Variants in SNX30 observed in about 807,000 individuals in gnomAD.
SNX30 encodes the protein sorting nexin-30.
A neutral mutation model predicts 46.4 loss-of-function variants in SNX30; 24 were observed. That is an observed-to-expected ratio of 0.52 (90% CI 0.37 to 0.73). The LOEUF is 0.73. SNX30 is among the 30% of genes least tolerant of loss of function. The pLI is 0.00. For missense variants in SNX30, 533 were observed against 555.7 expected (o/e 0.96, Z 0.41); for synonymous variants, 189 against 211.5 (o/e 0.89, Z 0.92).
chr9:112,761,082 A>G (rs1839426900), intron 1 of SNX30, among the ~76,000 whole-genome samples: 2 of 152,094 alleles, frequency 1.3e-5, no homozygotes, highest in African/African-American at 4.8e-5. Context: ...GAGGTTAATG[A>G]GACTGTTTTG....
At chr9:112,793,382 C>CG (rs1206003550) in intron 1 of SNX30, among the ~76,000 whole-genome samples, 4 of 152,198 alleles carry the variant, frequency 2.6e-5, no homozygotes, top group East Asian at 1.9e-4. Flanking sequence ...ACCCATCATG[C>CG]GGGGGGAGAA....
In SNX30 at chr9:112,872,049, A is replaced by G. The variant is rs1011162447; in HGVS notation, c.*3206A>G. 2.6e-5 allele frequency: 4 copies of G among 152,206 alleles called. No individual in the cohort carries two copies. Among genetic ancestry groups the G allele is most frequent in the African/African-American group, 9.6e-5 (4 of 41,462 alleles). 9.4% of individuals were successfully genotyped at this position (152,206 alleles called of 1,614,324 possible). ...CACCAGACACCTTTCTTTAGTTGAA[A>G]TAAACCAGCATGACCTGGAGATCAT... On this transcript the variant is annotated 3_prime_UTR_variant, in exon 9 of 9. Transcript: ENST00000374232.
Position 112,868,658 on chromosome 9 carries a change from G to A in SNX30, c.1255-126G>A, listed in dbSNP as rs1471722415. ...TTTGTAATAGTTATGGATGACACATGCAGGCATCATTAGACAAAGGTAACC... is the reference window on the plus strand; with the variant it reads ...TTTGTAATAGTTATGGATGACACATACAGGCATCATTAGACAAAGGTAACC... On this transcript the variant is annotated intron_variant, in intron 8 of 8. Transcript: ENST00000374232. 4 of 903,674 alleles carry A rather than the reference G, an allele frequency of 4.4e-6. No individual in the cohort carries two copies. In the Admixed American group the frequency reaches 5.5e-5, roughly 12 times the overall value. 56.0% of individuals were successfully genotyped at this position (903,674 alleles called of 1,614,324 possible). A position where few individuals can be genotyped will look rare whatever the true frequency, so the allele number is the denominator to read the frequency against.
At chr9:112,811,079 G>A (rs922646875) in intron 2 of SNX30, among the ~76,000 whole-genome samples, 4 of 152,226 alleles carry the variant, frequency 2.6e-5, no homozygotes, top group African/African-American at 9.7e-5. Flanking sequence ...TATGGCGTGG[G>A]TCTTCCAGAG....
At chr9:112,776,531 A>G (rs1375980050) in intron 1 of SNX30, among the ~76,000 whole-genome samples, 29 of 151,800 alleles carry the variant, frequency 1.9e-4, no homozygotes, top group Admixed American at 1.9e-3. Context: ...TTCTGCTTCT[A>G]CCTTCTTGGT....
intron 1 of SNX30, among the ~76,000 whole-genome samples, chr9:112,793,034 G>A (rs1349985561): frequency 6.6e-6 from 1 of 152,092 alleles, no homozygotes; most frequent in Non-Finnish European, 1.5e-5. Context: ...TCTGAGTGAT[G>A]AGCTAATGCC....
At chr9:112,769,619 C>T (rs889839516) in intron 1 of SNX30, among the ~76,000 whole-genome samples, 1 of 152,192 alleles carries the variant, frequency 6.6e-6, no homozygotes, top group African/African-American at 2.4e-5. Context: ...CCTCCTCTGT[C>T]TCCTTGGCTG....
intron 1 of SNX30, among the ~76,000 whole-genome samples, chr9:112,795,613 G>A (rs907693505): frequency 6.6e-6 from 1 of 152,054 alleles, no homozygotes; most frequent in African/African-American, 2.4e-5. Context: ...ACTTCATACT[G>A]TCTGGCCAAG....
At chr9:112,797,659 T>A (rs557388279) in intron 1 of SNX30, among the ~76,000 whole-genome samples, 3 of 151,830 alleles carry the variant, frequency 2.0e-5, no homozygotes, top group Non-Finnish European at 4.4e-5. Context: ...ATCTCTTAAG[T>A]TTCTTTACAT....
chr9:112,828,797 C>T (rs554720173), intron 3 of SNX30, among the ~76,000 whole-genome samples: 139 of 152,314 alleles, frequency 9.1e-4, no homozygotes, highest in African/African-American at 2.9e-3. Context: ...ATTTTATAAT[C>T]TACAATTCAG....
At chr9:112,794,769 A>G (rs1840082588) in intron 1 of SNX30, among the ~76,000 whole-genome samples, 1 of 152,218 alleles carries the variant, frequency 6.6e-6, no homozygotes. Context: ...TTAATTTAAT[A>G]TTCTGTCTTG....
intron 3 of SNX30, among the ~76,000 whole-genome samples, chr9:112,828,304 C>A (rs985152093): frequency 1.1e-4 from 17 of 151,992 alleles, no homozygotes; most frequent in African/African-American, 3.6e-4. Context: ...AAGTACTTGC[C>A]ATTGTGTTAC....
At chr9:112,811,182 G>T (rs1292554662) in intron 2 of SNX30, among the ~76,000 whole-genome samples, 1 of 152,222 alleles carries the variant, frequency 6.6e-6, no homozygotes, top group African/African-American at 2.4e-5. Context: ...AAGGCTGGAA[G>T]CCTCTACTTG....
chr9:112,865,757 G>GTGTA lies in SNX30; in HGVS notation c.1254+1376_1254+1379dup, dbSNP rs1162602825. Among the ~76,000 whole-genome samples, 264 of 146,372 alleles carry GTGTA rather than the reference G, an allele frequency of 1.8e-3. 3 individuals are homozygous for GTGTA. Among genetic ancestry groups the GTGTA allele is most frequent in the African/African-American group, 6.3e-3 (244 of 38,778 alleles). On this transcript the variant is annotated intron_variant, in intron 8 of 8. Transcript: ENST00000374232. ...CACACATGAGTGAGTGTGTGTGTGT[G>GTGTA]TGTATGTATGTATGTATGTATATAT...
intron 7 of SNX30, among the ~76,000 whole-genome samples, chr9:112,862,766 T>C (rs1258116599): frequency 2.0e-5 from 3 of 151,908 alleles, no homozygotes; most frequent in African/African-American, 7.2e-5. Flanking sequence ...TCTTACTATG[T>C]TGCCCAGGCT....
At chr9:112,782,897 C>T (rs145922928) in intron 1 of SNX30, among the ~76,000 whole-genome samples, 152 of 152,290 alleles carry the variant, frequency 1.0e-3, no homozygotes, top group African/African-American at 3.5e-3. Context: ...GGTGGGGCCT[C>T]GTTTTATTTT....
chr9:112,838,771 G>A, intron 6 of SNX30, 74 bp downstream of exon 6: 1 of 1,425,354 alleles, frequency 7.0e-7, no homozygotes. Flanking sequence ...ATGGATTATT[G>A]CCTGTTTGCA....
downstream of SNX30, among the ~76,000 whole-genome samples, chr9:112,883,570 A>C (rs1841608786): frequency 6.6e-6 from 1 of 151,564 alleles, no homozygotes; most frequent in Admixed American, 6.6e-5. Flanking sequence ...GCTGTTTAAG[A>C]GTTTGCTGTT....
At chr9:112,823,858 A>G (rs1223337134) in intron 3 of SNX30, among the ~76,000 whole-genome samples, 1 of 152,204 alleles carries the variant, frequency 6.6e-6, no homozygotes, top group African/African-American at 2.4e-5. Context: ...TCAACTTCCT[A>G]ATGCTTTGCA....
Sources: allele counts gnomAD v4.1 joint callset (sites outside exome capture counted in the v4.1 genomes callset), GRCh38; gene constraint gnomAD v4.1.1; transcripts MANE v1.5; gene names NCBI Gene and HGNC (gene_info 2026-07-23, HGNC 2026-07-21).